The following WWOX variants were observed in gnomAD, a reference collection of about 807,000 sequenced individuals.
WWOX encodes the protein WW domain-containing oxidoreductase.
In WWOX, 69 loss-of-function variants were observed where a neutral mutation model predicts 46.2. The ratio of observed to expected loss-of-function variants is 1.49; its 90% confidence interval spans 1.23 to 1.82. The LOEUF (loss-of-function observed/expected upper bound fraction) is 1.82, where lower values mean the gene tolerates loss of function less well. Among genes scored for constraint, WWOX ranks in the 40% most tolerant of loss-of-function variants. WWOX has a pLI of 0.00. For synonymous variants in WWOX, 359 were observed against 202.6 expected (o/e 1.77, Z -6.56); for missense variants, 919 against 542.6 (o/e 1.69, Z -6.89).
At chr16:78,733,965 C>T (rs575900039) in intron 8 of WWOX, among the ~76,000 whole-genome samples, 128 of 151,712 alleles carry the variant, frequency 8.4e-4, no homozygotes, top group Middle Eastern at 3.4e-3. Flanking sequence ...GAGGCTGAGG[C>T]GGGAGGATCC....
chr16:78,477,771 G>T (rs1464456340), intron 8 of WWOX, among the ~76,000 whole-genome samples: 3 of 152,074 alleles, frequency 2.0e-5, no homozygotes, highest in African/African-American at 7.2e-5. Context: ...TTTTTTAATT[G>T]TAGAAGGAGA....
chr16:78,732,261 C>G (rs2048987778), intron 8 of WWOX, among the ~76,000 whole-genome samples: 1 of 152,080 alleles, frequency 6.6e-6, no homozygotes, highest in African/African-American at 2.4e-5. Flanking sequence ...AAAAGATGAT[C>G]CTGCTTCCGT....
intron 8 of WWOX, among the ~76,000 whole-genome samples, chr16:78,727,296 G>A (rs1486165428): frequency 6.6e-6 from 1 of 152,194 alleles, no homozygotes; most frequent in Non-Finnish European, 1.5e-5. Context: ...CTGCTAGGGA[G>A]GCTGAGGCAG....
In WWOX at chr16:78,257,800, T is replaced by C. The variant is rs183973474; in HGVS notation, c.516+93511T>C. ...GTGATTTGATAACTTTCAAAACTCTTAGCCTTCTAAGACTTAGATTCTGGT... is the reference window on the plus strand; with the variant it reads ...GTGATTTGATAACTTTCAAAACTCTCAGCCTTCTAAGACTTAGATTCTGGT... On this transcript the variant is annotated intron_variant, in intron 5 of 8. Transcript: ENST00000566780. 2.6e-5 allele frequency among the ~76,000 whole-genome samples: 4 copies of C among 152,378 alleles called. No individual in the cohort carries two copies. The South Asian group carries it at 6.2e-4, about 24-fold the overall frequency.
intron 1 of WWOX, among the ~76,000 whole-genome samples, chr16:78,105,496 C>A (rs1416469170): frequency 3.3e-5 from 5 of 151,330 alleles, no homozygotes; most frequent in African/African-American, 1.2e-4. Context: ...CCAAGTGCCA[C>A]CAGCAGTGAG....
At chr16:78,430,297 G>A (rs1361390056) in intron 7 of WWOX, among the ~76,000 whole-genome samples, 2 of 152,116 alleles carry the variant, frequency 1.3e-5, no homozygotes, top group Non-Finnish European at 2.9e-5. Flanking sequence ...ACACATGGGG[G>A]TTATTACAAT....
intron 8 of WWOX, among the ~76,000 whole-genome samples, chr16:78,644,054 G>C (rs879359764): frequency 8.6e-5 from 13 of 152,030 alleles, no homozygotes; most frequent in Non-Finnish European, 1.5e-4. Flanking sequence ...GAAAACCTGT[G>C]TCTTCTAAAA....
chr16:78,126,205 C>G (rs538115373), intron 4 of WWOX, among the ~76,000 whole-genome samples: 13 of 152,260 alleles, frequency 8.5e-5, no homozygotes, highest in African/African-American at 3.1e-4. Flanking sequence ...AATGGAGAAG[C>G]ACATTTTGTA....
intron 8 of WWOX, chr16:78,503,846 G>C (rs2085129849): frequency 6.6e-6 from 1 of 152,192 alleles, no homozygotes; most frequent in South Asian, 2.1e-4. Flanking sequence ...GCAAACAGTA[G>C]TGTTGTCAAA....
chr16:78,141,241 A>G (rs1479199796), intron 4 of WWOX, among the ~76,000 whole-genome samples: 1 of 152,112 alleles, frequency 6.6e-6, no homozygotes, highest in Non-Finnish European at 1.5e-5. Flanking sequence ...TGGGTTTGTG[A>G]TGGTTAAAGT....
chr16:78,445,525 C>G (rs886458464), intron 8 of WWOX, among the ~76,000 whole-genome samples: 3 of 152,158 alleles, frequency 2.0e-5, no homozygotes, highest in African/African-American at 7.2e-5. Context: ...CCGACTTCAG[C>G]CCAGGAAGGA....
chr16:78,528,676 T>C (rs529053020), intron 8 of WWOX, among the ~76,000 whole-genome samples: 95 of 152,302 alleles, frequency 6.2e-4, no homozygotes, highest in African/African-American at 2.2e-3. Context: ...CTCTGGGCTT[T>C]TTAACATTCT....
intron 8 of WWOX, among the ~76,000 whole-genome samples, chr16:78,793,128 A>T (rs2050648814): frequency 6.6e-6 from 1 of 152,158 alleles, no homozygotes; most frequent in South Asian, 2.1e-4. Flanking sequence ...GCTGGAGTGA[A>T]GTGATGCAAT....
rs140388869 is a variant in WWOX, at chr16:78,837,594, C to T, written c.1057-374014C>T. Reference sequence around the variant, plus strand: ...GCAGTGCAAGATTGAAGATTTAATACAGACCTCTTAGGCGTCTGCGTGGTT... The same window carrying T: ...GCAGTGCAAGATTGAAGATTTAATATAGACCTCTTAGGCGTCTGCGTGGTT... On this transcript the variant is annotated intron_variant, in intron 8 of 8. Coordinates refer to ENST00000566780, the MANE Select transcript of WWOX (RefSeq NM_016373.4). Among the ~76,000 whole-genome samples the T allele has an allele frequency of 8.1e-4, 124 of 152,240 alleles. 1 individual carries two copies. The highest frequency in any genetic ancestry group is 2.4e-3 in the African/African-American group (98 of 41,530).
chr16:78,123,446 T>G (rs1387690067), intron 4 of WWOX: 4 of 25,896 alleles, frequency 1.5e-4, no homozygotes, highest in Non-Finnish European at 2.6e-4. Context: ...TTTTGTTTTT[T>G]TTTTTTTTGT....
intron 8 of WWOX, among the ~76,000 whole-genome samples, chr16:79,164,136 C>A (rs1281048287): frequency 1.3e-5 from 2 of 152,230 alleles, no homozygotes; most frequent in African/African-American, 4.8e-5. Context: ...GCTACAAAAA[C>A]TTTAATACTG....
At chr16:78,215,265 A>T (rs2036682297) in intron 5 of WWOX, among the ~76,000 whole-genome samples, 1 of 152,132 alleles carries the variant, frequency 6.6e-6, no homozygotes, top group African/African-American at 2.4e-5. Flanking sequence ...GTTAATCCTC[A>T]TGATGATTGG....
chr16:78,742,025 CTATG>C (rs2142419157), intron 8 of WWOX, among the ~76,000 whole-genome samples: 1 of 152,280 alleles, frequency 6.6e-6, no homozygotes, highest in East Asian at 1.9e-4. Flanking sequence ...CCTACGATGT[CTATG>C]TATAGTTTCA....
intron 5 of WWOX, among the ~76,000 whole-genome samples, chr16:78,361,602 ATTTC>A (rs1294205586): frequency 5.3e-5 from 8 of 151,650 alleles, no homozygotes; most frequent in Admixed American, 3.3e-4. Flanking sequence ...CTTCTCCCCC[ATTTC>A]TTTCTTTTCT....
Sources: gnomAD v4.1 joint callset for allele counts (sites outside exome capture counted in the v4.1 genomes callset) on GRCh38, gnomAD v4.1.1 for gene constraint, MANE v1.5 for transcripts, NCBI Gene and HGNC (gene_info 2026-07-23, HGNC 2026-07-21) for gene names.